Variants in COBL observed in about 807,000 individuals in gnomAD.
COBL encodes protein cordon-bleu.
In COBL, 51 loss-of-function variants were observed where a neutral mutation model predicts 98.8. That is an observed-to-expected ratio of 0.52 (90% confidence interval 0.41 to 0.65). COBL has a LOEUF of 0.65. COBL is among the 30% of genes least tolerant of loss of function. COBL has a pLI of 0.00. For missense variants in COBL, 1,617 were observed against 1,617.5 expected (o/e 1.00, Z 0.01); for synonymous variants, 634 against 651.7 (o/e 0.97, Z 0.41).
chr7:51,197,009 C>T (rs1041610370), intron 2 of COBL, among the ~76,000 whole-genome samples: 4 of 149,114 alleles, frequency 2.7e-5, no homozygotes, highest in Non-Finnish European at 4.4e-5. Flanking sequence ...AATAATTTTT[C>T]GTGTCTCAAT....
At chr7:51,226,685 T>A (rs1794229361) in intron 1 of COBL, among the ~76,000 whole-genome samples, 2 of 152,158 alleles carry the variant, frequency 1.3e-5, no homozygotes, top group Non-Finnish European at 2.9e-5. Flanking sequence ...AGAAGACAGC[T>A]GAGTGCTACC....
intron 2 of COBL, among the ~76,000 whole-genome samples, chr7:51,198,044 G>C (rs1429682361): frequency 1.3e-5 from 2 of 152,120 alleles, no homozygotes; most frequent in Non-Finnish European, 2.9e-5. Context: ...ATGTGGATTT[G>C]ATCCTGTTAT....
chr7:51,186,470 A>G (rs71540289), intron 4 of COBL, among the ~76,000 whole-genome samples: 83 of 152,344 alleles, frequency 5.4e-4, no homozygotes, highest in Non-Finnish European at 9.8e-4. Flanking sequence ...CACCGACCAC[A>G]GAAAGGACAG....
chr7:51,025,311 C>G lies in COBL; in HGVS notation c.3566G>C (p.Gly1189Ala). Residue 1189 changes from glycine (G) to alanine (A), a missense_variant, in exon 12 of 13, where the codon GGC becomes GCC. Transcript: ENST00000265136. ...GTCTTCTAGCAGAGGACTTTCCGAG[C>G]CCTGAGCAGAGAGTGCGGCATCTCG... Reference protein sequence around the residue: ...SFRDAALSAQGSESPLLEDLG... With the variant: ...SFRDAALSAQASESPLLEDLG... 6.2e-7 allele frequency: 1 copy of G among 1,612,756 alleles called. No individual in the cohort carries two copies. The highest frequency in any genetic ancestry group is 2.2e-5 in the East Asian group (1 of 44,844).
chr7:51,271,107 G>A (rs1206458859), intron 1 of COBL, among the ~76,000 whole-genome samples: 3 of 152,132 alleles, frequency 2.0e-5, no homozygotes, highest in African/African-American at 7.2e-5. Flanking sequence ...TCCACGCTGG[G>A]GAGTCTGTGT....
chr7:51,274,892 G>T (rs1024580774), intron 1 of COBL, among the ~76,000 whole-genome samples: 1 of 152,200 alleles, frequency 6.6e-6, no homozygotes, highest in Non-Finnish European at 1.5e-5. Flanking sequence ...TCAGTAAAAA[G>T]AATTCTCTGA....
At chr7:51,129,245 G>A (rs1361578507) in intron 6 of COBL, among the ~76,000 whole-genome samples, 2 of 151,986 alleles carry the variant, frequency 1.3e-5, no homozygotes, top group Non-Finnish European at 2.9e-5. Context: ...ATCATGGTGT[G>A]GACAGACTTG....
At chr7:51,267,702 A>G (rs1227361433) in intron 1 of COBL, among the ~76,000 whole-genome samples, 1 of 151,838 alleles carries the variant, frequency 6.6e-6, no homozygotes, top group Non-Finnish European at 1.5e-5. Flanking sequence ...AGCCTCCAAG[A>G]AGCTGGGATT....
chr7:51,221,445 ATAATC>A (rs1300658122), intron 1 of COBL, among the ~76,000 whole-genome samples: 3 of 152,256 alleles, frequency 2.0e-5, no homozygotes, highest in African/African-American at 7.2e-5. Context: ...CATCAAACAA[ATAATC>A]TAATCATGCA....
intron 1 of COBL, among the ~76,000 whole-genome samples, chr7:51,280,773 T>C (rs1051831068): frequency 1.3e-5 from 2 of 152,126 alleles, no homozygotes; most frequent in Non-Finnish European, 2.9e-5. Flanking sequence ...ACCACCCAAG[T>C]TCCCAGACTG....
At chr7:51,280,439 A>C (rs1329434536) in intron 1 of COBL, among the ~76,000 whole-genome samples, 1 of 152,168 alleles carries the variant, frequency 6.6e-6, no homozygotes, top group African/African-American at 2.4e-5. Flanking sequence ...CAAACACAAA[A>C]AGAGGAAAAC....
intron 6 of COBL, among the ~76,000 whole-genome samples, chr7:51,094,050 A>T (rs1795062828): frequency 6.6e-6 from 1 of 151,790 alleles, no homozygotes; most frequent in African/African-American, 2.4e-5. Context: ...CACAGCCTTT[A>T]AAAAGAAGAA....
chr7:51,035,407 G>A (rs1194580618), intron 8 of COBL: 4 of 151,872 alleles, frequency 2.6e-5, no homozygotes, highest in Non-Finnish European at 5.9e-5. Flanking sequence ...TTGCTTTTAG[G>A]TAGCAATCCA....
chr7:51,121,841 G>A (rs1311990992), intron 6 of COBL, among the ~76,000 whole-genome samples: 1 of 152,226 alleles, frequency 6.6e-6, no homozygotes, highest in African/African-American at 2.4e-5. Context: ...AAAGGTGAGA[G>A]AAATAATGAA....
chr7:51,033,883 G>A (rs1032381309), intron 8 of COBL: 1 of 152,250 alleles, frequency 6.6e-6, no homozygotes, highest in African/African-American at 2.4e-5. Context: ...GGCTGTACAA[G>A]GTCTGAACAG....
intron 5 of COBL, among the ~76,000 whole-genome samples, chr7:51,153,658 T>C (rs1275999357): frequency 6.6e-6 from 1 of 152,222 alleles, no homozygotes. Context: ...ACGACTTCTT[T>C]ACATCCTTCC....
At chr7:51,252,643 C>G (rs1184820171) in intron 1 of COBL, among the ~76,000 whole-genome samples, 3 of 152,188 alleles carry the variant, frequency 2.0e-5, no homozygotes, top group Non-Finnish European at 4.4e-5. Flanking sequence ...AAGAACACTA[C>G]AGAGGAGTAC....
rs557188631 is a variant in COBL at position 51,219,178 on chromosome 7, G to T, written c.245+563C>A. Among the ~76,000 whole-genome samples, 5 of 152,376 alleles carry T rather than the reference G, an allele frequency of 3.3e-5. No individual in the cohort carries two copies. The South Asian group carries it at 1.0e-3, about 32-fold the overall frequency. ...TCAGCCACGGGCAGATCAGTCCTGA[G>T]AAGAGTGCATGTGGGAACTGAGGGT... On this transcript the variant is annotated intron_variant, in intron 2 of 12. Transcript: ENST00000265136.
At chr7:51,286,643 T>C (rs1410128674) in intron 1 of COBL, among the ~76,000 whole-genome samples, 2 of 152,176 alleles carry the variant, frequency 1.3e-5, no homozygotes, top group Non-Finnish European at 2.9e-5. Context: ...GAAAGGGGAA[T>C]ACATACACTG....
Sources: allele counts gnomAD v4.1 joint callset (sites outside exome capture counted in the v4.1 genomes callset), GRCh38; gene constraint gnomAD v4.1.1; transcripts MANE v1.5; gene names NCBI Gene and HGNC (gene_info 2026-07-23, HGNC 2026-07-21).